The following UBE2E2 variants were observed in gnomAD, a reference collection of about 807,000 sequenced individuals.
The protein encoded by UBE2E2 is ubiquitin conjugating enzyme E2 E2.
UBE2E2 carries 6 observed loss-of-function variants against 24.7 expected under a neutral mutation model. That is an observed-to-expected ratio of 0.24 (90% confidence interval 0.13 to 0.48). The LOEUF is 0.48. UBE2E2 is among the 20% of genes least tolerant of loss of function. The probability of loss-of-function intolerance (pLI) is 0.99; values close to 1 mark genes in which losing one functional copy is unlikely to be tolerated. For synonymous variants in UBE2E2, 104 were observed against 83.6 expected (o/e 1.24, Z -1.33); for missense variants, 169 against 245.0 (o/e 0.69, Z 2.07).
At chr3:23,476,424 G>A (rs946971328) in intron 3 of UBE2E2, among the ~76,000 whole-genome samples, 1 of 152,118 alleles carries the variant, frequency 6.6e-6, no homozygotes, top group African/African-American at 2.4e-5. Flanking sequence ...GCCAGGTGCA[G>A]TGGTTCATGC....
At chr3:23,368,210 C>A (rs1168377021) in intron 3 of UBE2E2, among the ~76,000 whole-genome samples, 1 of 151,794 alleles carries the variant, frequency 6.6e-6, no homozygotes, top group Non-Finnish European at 1.5e-5. Context: ...AATTATAATC[C>A]TAATTTAGAA....
intron 5 of UBE2E2, among the ~76,000 whole-genome samples, chr3:23,572,198 A>G (rs891906989): frequency 1.3e-5 from 2 of 152,152 alleles, no homozygotes; most frequent in African/African-American, 2.4e-5. Context: ...AATCACTACA[A>G]GTCACACACT....
At chr3:23,436,861 A>G (rs1285108664) in intron 3 of UBE2E2, among the ~76,000 whole-genome samples, 2 of 152,076 alleles carry the variant, frequency 1.3e-5, no homozygotes, top group South Asian at 2.1e-4. Context: ...CACCCACCTC[A>G]TTTTTATCAC....
intron 3 of UBE2E2, among the ~76,000 whole-genome samples, chr3:23,281,457 C>G (rs1698488856): frequency 6.6e-6 from 1 of 152,170 alleles, no homozygotes; most frequent in Non-Finnish European, 1.5e-5. Context: ...AAAGCAAGAA[C>G]TTGTCTCTAC....
At chr3:23,502,163 G>A (rs373801776) in intron 4 of UBE2E2, among the ~76,000 whole-genome samples, 130 of 151,404 alleles carry the variant, frequency 8.6e-4, no homozygotes, top group African/African-American at 2.7e-3. Context: ...TCCTGTTACT[G>A]TAAATAGTAC....
intron 3 of UBE2E2, among the ~76,000 whole-genome samples, chr3:23,311,991 T>C (rs1029573666): frequency 6.6e-6 from 1 of 152,148 alleles, no homozygotes; most frequent in Non-Finnish European, 1.5e-5. Flanking sequence ...TGGGGAGTGG[T>C]TTCTCATGAA....
intron 5 of UBE2E2, among the ~76,000 whole-genome samples, chr3:23,566,192 G>A (rs1357633210): frequency 6.6e-6 from 1 of 152,140 alleles, no homozygotes; most frequent in Non-Finnish European, 1.5e-5. Flanking sequence ...GCAAAGCATT[G>A]GAACAGTCCC....
intron 4 of UBE2E2, among the ~76,000 whole-genome samples, chr3:23,512,486 G>C (rs906880159): frequency 6.6e-6 from 1 of 151,990 alleles, no homozygotes; most frequent in Non-Finnish European, 1.5e-5. Flanking sequence ...CAGTCCTCCT[G>C]CCTTGGCCTC....
chr3:23,527,888 C>G (rs1008252037), intron 4 of UBE2E2, among the ~76,000 whole-genome samples: 4 of 150,188 alleles, frequency 2.7e-5, no homozygotes, highest in African/African-American at 9.8e-5. Context: ...TCAGCTGTAT[C>G]CTTTGTAATA....
chr3:23,476,497 C>A (rs899997531), intron 3 of UBE2E2, among the ~76,000 whole-genome samples: 9 of 151,994 alleles, frequency 5.9e-5, no homozygotes, highest in African/African-American at 1.9e-4. Context: ...GAGTTTGAGA[C>A]CAGCCTAGGC....
At chr3:23,235,527 G>T (rs760747002) in intron 3 of UBE2E2, among the ~76,000 whole-genome samples, 5 of 152,096 alleles carry the variant, frequency 3.3e-5, no homozygotes, top group Non-Finnish European at 7.4e-5. Context: ...AGCAGAGTTT[G>T]GCTTTTATTA....
chr3:23,278,617 A>G (rs978846286), intron 3 of UBE2E2, among the ~76,000 whole-genome samples: 2 of 152,100 alleles, frequency 1.3e-5, no homozygotes, highest in Non-Finnish European at 2.9e-5. Context: ...TATATCTGGG[A>G]TATGTTGTGG....
At position 23,352,137 on chromosome 3, in the gene UBE2E2, G is replaced by A. The variant is rs377270084; in HGVS notation, c.227+134825G>A. 3.4e-4 allele frequency among the ~76,000 whole-genome samples: 52 copies of A among 152,090 alleles called. No homozygotes were observed. In the East Asian group the frequency reaches 6.6e-3, roughly 19 times the overall value. ...ACATCCTGCTCCTGAATGACTACTG[G>A]GTACATAACGAAATGAAGGCAGAAA... is the stretch of plus-strand genomic sequence containing the variant. On this transcript the variant is annotated intron_variant, in intron 3 of 5. Transcript: ENST00000396703.
chr3:23,579,018 G>T (rs1268897845), intron 5 of UBE2E2, among the ~76,000 whole-genome samples: 14 of 152,152 alleles, frequency 9.2e-5, no homozygotes, highest in Admixed American at 9.2e-4. Flanking sequence ...AGAGTTGAAT[G>T]TTGTTTTCAT....
chr3:23,256,112 G>A (rs1697714809), intron 3 of UBE2E2, among the ~76,000 whole-genome samples: 1 of 152,168 alleles, frequency 6.6e-6, no homozygotes, highest in Non-Finnish European at 1.5e-5. Context: ...CTGTTTTCCT[G>A]CTCTTTAGAA....
chr3:23,416,372 A>G (rs1035198580), intron 3 of UBE2E2, among the ~76,000 whole-genome samples: 43 of 152,180 alleles, frequency 2.8e-4, no homozygotes, highest in Admixed American at 2.8e-3. Context: ...AATGTTGGAT[A>G]CTGGCGCTCA....
intron 3 of UBE2E2, among the ~76,000 whole-genome samples, chr3:23,237,899 A>C (rs149712862): frequency 2.8e-3 from 420 of 152,200 alleles, no homozygotes; most frequent in Non-Finnish European, 4.1e-3. Flanking sequence ...CGTGGGCTTA[A>C]ATTTTGTTTT....
intron 3 of UBE2E2, among the ~76,000 whole-genome samples, chr3:23,473,506 T>C (rs1284404629): frequency 1.3e-5 from 2 of 151,982 alleles, no homozygotes; most frequent in Non-Finnish European, 2.9e-5. Flanking sequence ...TTAGTGGTGA[T>C]TTGTGAGACT....
At chr3:23,359,422 T>C (rs1559360941) in intron 3 of UBE2E2, among the ~76,000 whole-genome samples, 1 of 152,236 alleles carries the variant, frequency 6.6e-6, no homozygotes, top group Non-Finnish European at 1.5e-5. Context: ...TGTTAGCTCA[T>C]AGTACAAATT....
Sources: allele counts gnomAD v4.1 joint callset (sites outside exome capture counted in the v4.1 genomes callset), GRCh38; gene constraint gnomAD v4.1.1; transcripts MANE v1.5; gene names NCBI Gene and HGNC (gene_info 2026-07-23, HGNC 2026-07-21).